Variants in ELOVL6 observed in about 807,000 individuals in gnomAD.
ELOVL6 encodes the protein ELOVL fatty acid elongase 6, also known as very long chain fatty acid elongase 6.
Under a neutral mutation model 31.7 loss-of-function variants are expected in ELOVL6, and 8 were observed. That is an observed-to-expected ratio of 0.25 (90% CI 0.15 to 0.45). The LOEUF is 0.45. Among genes scored for constraint, ELOVL6 ranks in the 20% least tolerant of loss-of-function variants. The pLI, the probability that ELOVL6 is intolerant of heterozygous loss-of-function variation, is 1.00. For synonymous variants in ELOVL6, 101 were observed against 117.7 expected (o/e 0.86, Z 0.92); for missense variants, 126 against 326.4 (o/e 0.39, Z 4.73).
rs199667277 is a variant in ELOVL6 at position 110,119,748 on chromosome 4, G to GA, written c.90-14121dup. Among the ~76,000 whole-genome samples, 408 of 152,028 alleles carry GA rather than the reference G, an allele frequency of 2.7e-3. 4 individuals are homozygous for GA. Among genetic ancestry groups the GA allele is most frequent in the African/African-American group, 8.5e-3 (353 of 41,484 alleles). On this transcript the variant is annotated intron_variant, in intron 1 of 3. Transcript: ENST00000302274. ...AAGACCTTTTGGGGAAAATCTTAAT[G>GA]AAAAAAAATCTCAAGATCCCTCAGA...
At position 110,058,483 on chromosome 4, in the gene ELOVL6, T is replaced by C. The variant is rs113469296; in HGVS notation, c.373+1120A>G. Among the ~76,000 whole-genome samples the C allele has an allele frequency of 4.3e-3, 653 of 152,304 alleles. 3 individuals are homozygous for C. The highest frequency in any genetic ancestry group is 0.015 in the African/African-American group (608 of 41,562). Reference sequence around the variant, plus strand: ...ACTTATAAACAGCAGGTTTCTGGCTTCCAGTGGAAGGTGGCTGGGTTGCCG... The same window carrying C: ...ACTTATAAACAGCAGGTTTCTGGCTCCCAGTGGAAGGTGGCTGGGTTGCCG... On this transcript the variant is annotated intron_variant, in intron 3 of 3. Coordinates refer to ENST00000302274, the MANE Select transcript of ELOVL6 (RefSeq NM_024090.3).
At chr4:110,068,749 C>T (rs1362334325) in intron 2 of ELOVL6, among the ~76,000 whole-genome samples, 1 of 152,144 alleles carries the variant, frequency 6.6e-6, no homozygotes, top group Non-Finnish European at 1.5e-5. Context: ...ACACTTGCTC[C>T]AGTTACCTGG....
intron 1 of ELOVL6, among the ~76,000 whole-genome samples, chr4:110,170,719 G>T (rs745930803): frequency 5.7e-4 from 86 of 152,146 alleles, no homozygotes; most frequent in Non-Finnish European, 9.7e-4. Context: ...CGTTAGATTA[G>T]CTTAGTTCAG....
chr4:110,183,246 C>G (rs1404879145), intron 1 of ELOVL6, among the ~76,000 whole-genome samples: 1 of 152,214 alleles, frequency 6.6e-6, no homozygotes, highest in Non-Finnish European at 1.5e-5. Flanking sequence ...CCCAGACACT[C>G]TTTTCTACTG....
At position 110,128,149 on chromosome 4, in the gene ELOVL6, G is replaced by A. The variant is rs536729245; in HGVS notation, c.90-22521C>T. ...TTCTGGAGACATATTCAGACAGGAC[G>A]AGTATAAGCCTGGCAAAGAAAGTGA... On this transcript the variant is annotated intron_variant, in intron 1 of 3. Transcript: ENST00000302274. Among the ~76,000 whole-genome samples the A allele has an allele frequency of 2.6e-5, 4 of 152,234 alleles. No homozygotes were observed. The East Asian group carries it at 7.7e-4, about 29-fold the overall frequency.
intron 1 of ELOVL6, among the ~76,000 whole-genome samples, chr4:110,170,051 G>A (rs1332317678): frequency 6.6e-6 from 1 of 151,146 alleles, no homozygotes; most frequent in African/African-American, 2.5e-5. Context: ...CTAACCTCAG[G>A]TGATCCACCC....
At chr4:110,120,353 T>A (rs115569980) in intron 1 of ELOVL6, among the ~76,000 whole-genome samples, 3 of 144,646 alleles carry the variant, frequency 2.1e-5, no homozygotes. Context: ...AATAAAAAAG[T>A]AAAAAAAAAA....
intron 1 of ELOVL6, among the ~76,000 whole-genome samples, chr4:110,168,976 CT>C (rs937123771): frequency 3.9e-5 from 6 of 151,998 alleles, no homozygotes; most frequent in African/African-American, 1.4e-4. Context: ...ATGTTATTTT[CT>C]TTGAGAAAGG....
At chr4:110,122,167 G>A (rs926856102) in intron 1 of ELOVL6, among the ~76,000 whole-genome samples, 25 of 152,112 alleles carry the variant, frequency 1.6e-4, no homozygotes, top group African/African-American at 5.3e-4. Context: ...TAGAAAAACT[G>A]TTGAGGACAC....
chr4:110,164,756 G>GAA (rs74185134), intron 1 of ELOVL6, among the ~76,000 whole-genome samples: 2 of 125,780 alleles, frequency 1.6e-5, no homozygotes, highest in African/African-American at 3.1e-5. Flanking sequence ...AAAAAAAAAA[G>GAA]AAAAAAAAAA....
At chr4:110,154,395 C>T (rs1462388251) in intron 1 of ELOVL6, among the ~76,000 whole-genome samples, 2 of 152,162 alleles carry the variant, frequency 1.3e-5, no homozygotes, top group Non-Finnish European at 2.9e-5. Context: ...GCTGGGATTA[C>T]AGACATGCAC....
At chr4:110,116,945 C>T (rs981000348) in intron 1 of ELOVL6, among the ~76,000 whole-genome samples, 1 of 152,170 alleles carries the variant, frequency 6.6e-6, no homozygotes, top group African/African-American at 2.4e-5. Context: ...TCCAACTTCA[C>T]CATCTGTTCT....
intron 2 of ELOVL6, among the ~76,000 whole-genome samples, chr4:110,079,297 G>A (rs1755756992): frequency 6.6e-6 from 1 of 152,148 alleles, no homozygotes; most frequent in African/African-American, 2.4e-5. Context: ...ATTCTTTTCA[G>A]CACCACACCA....
rs576138334 is a variant in ELOVL6 at position 110,173,108 on chromosome 4, G to T, written c.89+25139C>A. 1.7e-3 allele frequency among the ~76,000 whole-genome samples: 261 copies of T among 152,272 alleles called. 2 individuals are homozygous for T. Among genetic ancestry groups the T allele is most frequent in the African/African-American group, 6.1e-3 (252 of 41,548 alleles). ...ATAATAGTGTACTATTTCATCCACT[G>T]ACTTGATCTGCCTATCTGTGTATTC... is the stretch of plus-strand genomic sequence containing the variant. On this transcript the variant is annotated intron_variant, in intron 1 of 3. Coordinates refer to ENST00000302274, the MANE Select transcript of ELOVL6 (RefSeq NM_024090.3).
At chr4:110,076,216 AAGTATT>A (rs1755621069) in intron 2 of ELOVL6, among the ~76,000 whole-genome samples, 1 of 152,234 alleles carries the variant, frequency 6.6e-6, no homozygotes, top group Non-Finnish European at 1.5e-5. Context: ...GTAAAAATAA[AAGTATT>A]AGTGATAAGT....
rs114844807 is a variant in ELOVL6 at position 110,116,198 on chromosome 4, T to C, written c.90-10570A>G. Among the ~76,000 whole-genome samples the C allele has an allele frequency of 9.3e-3, 1,422 of 152,296 alleles. 24 individuals are homozygous for C. Among genetic ancestry groups the C allele is most frequent in the African/African-American group, 0.032 (1,337 of 41,566 alleles). On this transcript the variant is annotated intron_variant, in intron 1 of 3. Coordinates refer to ENST00000302274, the MANE Select transcript of ELOVL6 (RefSeq NM_024090.3). ...CATCCGCAACATGTCCTTTGCTATA[T>C]AAAGTAACATATTCACAGAAGATGG...
chr4:110,148,812 AT>A (rs1758201828), intron 1 of ELOVL6, among the ~76,000 whole-genome samples: 1 of 152,226 alleles, frequency 6.6e-6, no homozygotes, highest in African/African-American at 2.4e-5. Context: ...GGACAAAAAA[AT>A]AACAGATGTT....
At chr4:110,077,184 G>A (rs1478046386) in intron 2 of ELOVL6, among the ~76,000 whole-genome samples, 2 of 152,234 alleles carry the variant, frequency 1.3e-5, no homozygotes, top group Non-Finnish European at 2.9e-5. Flanking sequence ...CCAAACAAAA[G>A]GCAGCAGAAT....
At chr4:110,056,281 G>C (rs759320548) in intron 3 of ELOVL6, among the ~76,000 whole-genome samples, 2 of 151,994 alleles carry the variant, frequency 1.3e-5, no homozygotes, top group African/African-American at 2.4e-5. Flanking sequence ...ATCCAAACGG[G>C]TAAATCTCTC....
Sources: allele counts gnomAD v4.1 joint callset (sites outside exome capture counted in the v4.1 genomes callset), GRCh38; gene constraint gnomAD v4.1.1; transcripts MANE v1.5; gene names NCBI Gene and HGNC (gene_info 2026-07-23, HGNC 2026-07-21).